CCNI: variants seen among roughly 807,000 people sequenced by gnomAD.
CCNI encodes cyclin I.
CCNI carries 14 observed loss-of-function variants against 34.1 expected under a neutral mutation model. The observed-to-expected ratio is 0.41, with a 90% CI of 0.27 to 0.64. The LOEUF (loss-of-function observed/expected upper bound fraction) is 0.64, where lower values mean the gene tolerates loss of function less well. CCNI is among the 30% of genes least tolerant of loss of function. The pLI is 0.31. For missense variants in CCNI, 385 were observed against 440.5 expected (o/e 0.87, Z 1.13); for synonymous variants, 154 against 158.4 (o/e 0.97, Z 0.21).
intron 6 of CCNI, among the ~76,000 whole-genome samples, chr4:77,051,129 G>A (rs955808557): frequency 4.0e-5 from 6 of 151,526 alleles, no homozygotes; most frequent in African/African-American, 1.5e-4. Flanking sequence ...GTAGTACTCA[G>A]CATGCCACAA....
At chr4:77,070,774 C>T (rs912389608) in intron 1 of CCNI, among the ~76,000 whole-genome samples, 3 of 152,014 alleles carry the variant, frequency 2.0e-5, no homozygotes, top group Non-Finnish European at 2.9e-5. Flanking sequence ...GAGGAGCTAT[C>T]GAAGTTTTGG....
chr4:77,051,946 G>C (rs201999405), intron 6 of CCNI, among the ~76,000 whole-genome samples: 2 of 144,464 alleles, frequency 1.4e-5, no homozygotes, highest in African/African-American at 5.3e-5. Flanking sequence ...GGAGGGGTCT[G>C]TTTTTTTGTT....
Position 77,062,725 on chromosome 4 carries a change from T to C in CCNI, c.114+3524A>G, listed in dbSNP as rs529439240. 2.6e-5 allele frequency among the ~76,000 whole-genome samples: 4 copies of C among 152,320 alleles called. No individual in the cohort carries two copies. The East Asian group carries it at 7.7e-4, about 29-fold the overall frequency. ...AAATCATCTGTATATCAACAATTTGTGGCAGGGTTTTATCTTTGTAAATCA... is the reference window on the plus strand; with the variant it reads ...AAATCATCTGTATATCAACAATTTGCGGCAGGGTTTTATCTTTGTAAATCA... On this transcript the variant is annotated intron_variant, in intron 2 of 6. Transcript: ENST00000237654.
At chr4:77,051,155 G>T (rs1269088578) in intron 6 of CCNI, among the ~76,000 whole-genome samples, 1 of 151,988 alleles carries the variant, frequency 6.6e-6, no homozygotes, top group East Asian at 1.9e-4. Context: ...AGGTTTTTTT[G>T]GAACTCTGTG....
chr4:77,055,438 A>G, intron 5 of CCNI, 58 bp from the exon 6 acceptor site: 1 of 1,133,510 alleles, frequency 8.8e-7, no homozygotes, highest in East Asian at 2.5e-5. Flanking sequence ...AATTACATAT[A>G]GAAATTGATG....
Position 77,053,754 on chromosome 4 carries a change from TCA to T in CCNI, c.690+1394_690+1395del, listed in dbSNP as rs1728029040. ...TTTCTATTAAGCCTATTCCTCTACT[TCA>T]CAGTCTAATGTGAGTGATTAATATT... On this transcript the variant is annotated intron_variant, in intron 6 of 6. Coordinates refer to ENST00000237654, the MANE Select transcript of CCNI (RefSeq NM_006835.3). Among the ~76,000 whole-genome samples, 2 of 152,222 alleles carry T rather than the reference TCA, an allele frequency of 1.3e-5. 1 individual carries two copies. Among genetic ancestry groups the T allele is most frequent in the South Asian group, 4.1e-4 (2 of 4,836 alleles).
rs4252910 is a variant in CCNI at position 77,054,624 on chromosome 4, T to C, written c.690+526A>G. Among the ~76,000 whole-genome samples, 958 of 152,342 alleles carry C rather than the reference T, an allele frequency of 6.3e-3. 15 individuals carry two copies. The highest frequency in any genetic ancestry group is 0.022 in the African/African-American group (909 of 41,568). On this transcript the variant is annotated intron_variant, in intron 6 of 6. Coordinates refer to ENST00000237654, the MANE Select transcript of CCNI (RefSeq NM_006835.3). ...TCAACCTATACATTTTATAATAATC[T>C]GTAGATACAAGTTACAAACTAATCT... is the stretch of plus-strand genomic sequence containing the variant.
chr4:77,065,593 A>AGTC (rs1578250184), intron 2 of CCNI, among the ~76,000 whole-genome samples: 1 of 152,230 alleles, frequency 6.6e-6, no homozygotes, highest in Admixed American at 6.5e-5. Context: ...TAGTTGACTA[A>AGTC]AGACAATGGT....
In CCNI at chr4:77,047,296, A is replaced by G. The variant is rs552042707; in HGVS notation, c.*923T>C. The G allele has an allele frequency of 1.2e-4, 19 of 152,330 alleles. No homozygotes were observed. The highest frequency in any genetic ancestry group is 1.0e-3 in the Admixed American group (16 of 15,302). The allele number at this position is 152,330 out of a possible 1,614,324, so 9.4% of individuals were successfully genotyped here. On this transcript the variant is annotated 3_prime_UTR_variant, in exon 7 of 7. Transcript: ENST00000237654. ...ATAAGGCTGGGGAGGCAGGGGGAGT[A>G]AGTTCTATTAGAAAATCCTAATAGC...
chr4:77,070,955 A>G (rs1276900377), intron 1 of CCNI, among the ~76,000 whole-genome samples: 2 of 152,230 alleles, frequency 1.3e-5, no homozygotes, highest in Non-Finnish European at 2.9e-5. Context: ...GGTTTCTTCC[A>G]AACTCCTATT....
At chr4:77,065,619 C>A (rs750074811) in intron 2 of CCNI, among the ~76,000 whole-genome samples, 4 of 152,172 alleles carry the variant, frequency 2.6e-5, no homozygotes, top group Non-Finnish European at 4.4e-5. Context: ...GATGTTCAGC[C>A]TCTGTGGCTA....
At chr4:77,057,703 T>C (rs914218417) in intron 3 of CCNI, among the ~76,000 whole-genome samples, 4 of 152,232 alleles carry the variant, frequency 2.6e-5, no homozygotes, top group African/African-American at 9.6e-5. Context: ...ACCTAATTAT[T>C]TGTATGCTGT....
chr4:77,049,346 T>C (rs4252943), intron 6 of CCNI, among the ~76,000 whole-genome samples: 10,243 of 152,094 alleles, frequency 0.067, 1,173 homozygotes, highest in African/African-American at 0.23. Context: ...ACCCCAAAAC[T>C]CTAAATGCCA....
chr4:77,051,049 A>AAAT (rs1486983601), intron 6 of CCNI, among the ~76,000 whole-genome samples: 1 of 152,198 alleles, frequency 6.6e-6, no homozygotes, highest in African/African-American at 2.4e-5. Context: ...TGTATACTTT[A>AAAT]AATCATCCCT....
At chr4:77,067,021 C>T (rs895032506) in intron 1 of CCNI, among the ~76,000 whole-genome samples, 3 of 152,138 alleles carry the variant, frequency 2.0e-5, no homozygotes, top group Non-Finnish European at 2.9e-5. Context: ...ATCACTAGGT[C>T]AGGAGTTGGA....
chr4:77,048,726 A>C (rs1031727489), intron 6 of CCNI, 64 bp from the exon 7 acceptor site: 1 of 1,284,188 alleles, frequency 7.8e-7, no homozygotes, highest in Non-Finnish European at 1.0e-6. Flanking sequence ...CTGCTCTGTT[A>C]TCTCTGGTGG....
At chr4:77,050,189 G>A (rs541184489) in intron 6 of CCNI, among the ~76,000 whole-genome samples, 32 of 152,038 alleles carry the variant, frequency 2.1e-4, no homozygotes, top group Non-Finnish European at 2.8e-4. Context: ...ATTGTATTGC[G>A]CATTCCTTCC....
Position 77,063,534 on chromosome 4 carries a change from C to G in CCNI, c.114+2715G>C, listed in dbSNP as rs4252841. Among the ~76,000 whole-genome samples, 16 of 151,752 alleles carry G rather than the reference C, an allele frequency of 1.1e-4. No homozygotes were observed. In the East Asian group the frequency reaches 3.1e-3, roughly 30 times the overall value. On this transcript the variant is annotated intron_variant, in intron 2 of 6. Transcript: ENST00000237654. ...GAAACCCCGTCTCTACTAAAAAATA[C>G]AAAAAATTAGCCGGGCGTTGTGGCG...
At chr4:77,062,500 T>C (rs368756575) in intron 2 of CCNI, among the ~76,000 whole-genome samples, 3 of 151,424 alleles carry the variant, frequency 2.0e-5, no homozygotes, top group African/African-American at 4.9e-5. Context: ...ATAGAGGCTG[T>C]AGTGAACTGT....
Sources: gnomAD v4.1 joint callset for allele counts (sites outside exome capture counted in the v4.1 genomes callset) on GRCh38, gnomAD v4.1.1 for gene constraint, MANE v1.5 for transcripts, NCBI Gene and HGNC (gene_info 2026-07-23, HGNC 2026-07-21) for gene names.